Variants in MARCHF1 observed in about 807,000 individuals in gnomAD.
MARCHF1 encodes the protein E3 ubiquitin-protein ligase MARCHF1.
A neutral mutation model predicts 54.2 loss-of-function variants in MARCHF1; 40 were observed. The ratio of observed to expected loss-of-function variants is 0.74; its 90% CI spans 0.57 to 0.96. MARCHF1 has a LOEUF of 0.96. Ranked by LOEUF, MARCHF1 falls within the 40% of genes least tolerant of loss-of-function variation. The pLI, the probability that MARCHF1 is intolerant of heterozygous loss-of-function variation, is 0.00. For missense variants in MARCHF1, 586 were observed against 656.5 expected (o/e 0.89, Z 1.17); for synonymous variants, 236 against 236.3 (o/e 1.00, Z 0.01).
intron 1 of MARCHF1, chr4:164,189,219 C>A: frequency 1.8e-6 from 1 of 566,798 alleles, no homozygotes; most frequent in Non-Finnish European, 3.3e-6. Context: ...TCAGGAAAGA[C>A]GATAGGGCTG....
chr4:164,214,188 A>G (rs566931348), intron 1 of MARCHF1, among the ~76,000 whole-genome samples: 47 of 152,324 alleles, frequency 3.1e-4, no homozygotes, highest in Non-Finnish European at 5.1e-4. Context: ...TATATTAAAA[A>G]AAGAATTGGG....
intron 1 of MARCHF1, among the ~76,000 whole-genome samples, chr4:164,151,287 T>C (rs982540976): frequency 6.6e-6 from 1 of 152,184 alleles, no homozygotes; most frequent in African/African-American, 2.4e-5. Context: ...CTCCTCTATT[T>C]GAATTTTGAA....
intron 8 of MARCHF1, chr4:163,556,025 C>A (rs1739273650): frequency 6.6e-6 from 3 of 454,836 alleles, no homozygotes; most frequent in African/African-American, 2.0e-5. Flanking sequence ...TTTACCCCAT[C>A]ATTTTCTAGT....
chr4:164,319,538 C>T (rs1735083187), intron 1 of MARCHF1, among the ~76,000 whole-genome samples: 1 of 152,106 alleles, frequency 6.6e-6, no homozygotes, highest in Admixed American at 6.6e-5. Context: ...TAAAAATGTC[C>T]TATTTTAATA....
intron 1 of MARCHF1, among the ~76,000 whole-genome samples, chr4:164,113,897 C>A (rs868288703): frequency 2.8e-4 from 22 of 77,620 alleles, no homozygotes; most frequent in African/African-American, 5.8e-4. Context: ...TTTTAAACAT[C>A]ATTTTAATTT....
intron 1 of MARCHF1, among the ~76,000 whole-genome samples, chr4:164,186,442 T>C (rs1730973037): frequency 6.6e-6 from 1 of 152,216 alleles, no homozygotes; most frequent in Non-Finnish European, 1.5e-5. Context: ...CTTCCAACTT[T>C]CTACTACTTA....
chr4:163,690,914 G>A (rs1744425868), intron 5 of MARCHF1, among the ~76,000 whole-genome samples: 1 of 152,196 alleles, frequency 6.6e-6, no homozygotes, highest in South Asian at 2.1e-4. Flanking sequence ...GGAACCAGAA[G>A]TTATAAACCT....
intron 2 of MARCHF1, among the ~76,000 whole-genome samples, chr4:164,066,023 T>C (rs1754719539): frequency 6.6e-6 from 1 of 152,160 alleles, no homozygotes; most frequent in African/African-American, 2.4e-5. Flanking sequence ...CAATCTCCTC[T>C]GGAAACACCC....
intron 2 of MARCHF1, among the ~76,000 whole-genome samples, chr4:164,002,290 A>G (rs983256814): frequency 2.6e-5 from 4 of 151,706 alleles, no homozygotes; most frequent in African/African-American, 9.7e-5. Context: ...GGAGACGATT[A>G]AGTTAGCAGA....
intron 1 of MARCHF1, among the ~76,000 whole-genome samples, chr4:164,218,217 C>G (rs1731986783): frequency 6.6e-6 from 1 of 151,826 alleles, no homozygotes; most frequent in Admixed American, 6.6e-5. Flanking sequence ...AATGGAGAGA[C>G]CTTATGGAAA....
intron 7 of MARCHF1, among the ~76,000 whole-genome samples, chr4:163,609,787 G>A (rs190820192): frequency 2.6e-5 from 4 of 151,812 alleles, no homozygotes; most frequent in African/African-American, 9.7e-5. Context: ...CTGAAAATGG[G>A]CTGAGGGAAG....
intron 9 of MARCHF1, chr4:163,530,209 C>T (rs1009003076): frequency 6.6e-6 from 1 of 151,920 alleles, no homozygotes; most frequent in Non-Finnish European, 1.5e-5. Flanking sequence ...CCAAAAATAA[C>T]AGCGTTACCC....
chr4:163,533,420 C>T (rs1055623162), intron 9 of MARCHF1, among the ~76,000 whole-genome samples: 6 of 151,842 alleles, frequency 4.0e-5, no homozygotes, highest in Non-Finnish European at 5.9e-5. Context: ...GATTCTGTAA[C>T]GGTGGACACA....
intron 4 of MARCHF1, among the ~76,000 whole-genome samples, chr4:163,761,380 C>T (rs1033424384): frequency 1.3e-5 from 2 of 152,132 alleles, no homozygotes; most frequent in Non-Finnish European, 2.9e-5. Context: ...TGAGTTTGAG[C>T]CCACAAGAAT....
intron 1 of MARCHF1, among the ~76,000 whole-genome samples, chr4:164,178,012 GCT>G (rs1334515272): frequency 1.3e-5 from 2 of 152,130 alleles, no homozygotes; most frequent in Non-Finnish European, 2.9e-5. Context: ...ACTGAAATAT[GCT>G]CTTTTATTGA....
At chr4:163,803,044 T>G (rs1033870457) in intron 4 of MARCHF1, among the ~76,000 whole-genome samples, 6 of 152,202 alleles carry the variant, frequency 3.9e-5, no homozygotes, top group Non-Finnish European at 1.5e-5. Context: ...TTAAATCTGT[T>G]GAATTCTTGC....
intron 2 of MARCHF1, among the ~76,000 whole-genome samples, chr4:164,034,935 C>G (rs1338186840): frequency 2.0e-5 from 3 of 152,084 alleles, no homozygotes; most frequent in African/African-American, 7.2e-5. Context: ...CCCTACAGGT[C>G]TCTTGCTCTC....
At chr4:164,263,139 CGTGTGTGTGTGT>C (rs148563010) in intron 1 of MARCHF1, among the ~76,000 whole-genome samples, 2 of 148,732 alleles carry the variant, frequency 1.3e-5, no homozygotes, top group African/African-American at 4.9e-5. Flanking sequence ...TGTACGCGTG[CGTGTGTGTGTGT>C]GTGTGTGTAT....
chr4:164,054,998 G>A (rs764493038), intron 2 of MARCHF1, among the ~76,000 whole-genome samples: 26 of 152,008 alleles, frequency 1.7e-4, no homozygotes, highest in African/African-American at 6.0e-4. Flanking sequence ...GTGGTTTTGC[G>A]TGTTATCTAA....
Sources: allele counts gnomAD v4.1 joint callset (sites outside exome capture counted in the v4.1 genomes callset), GRCh38; gene constraint gnomAD v4.1.1; transcripts MANE v1.5; gene names NCBI Gene and HGNC (gene_info 2026-07-23, HGNC 2026-07-21).